The following ABCG1 variants were observed in gnomAD, a reference collection of about 807,000 sequenced individuals.
ABCG1 encodes the protein ATP binding cassette subfamily G member 1.
Under a neutral mutation model 69.2 loss-of-function variants are expected in ABCG1, and 29 were observed. The ratio of observed to expected loss-of-function variants is 0.42; its 90% confidence interval spans 0.31 to 0.57. ABCG1 has a LOEUF of 0.57. Among genes scored for constraint, ABCG1 ranks in the 20% least tolerant of loss-of-function variants. The probability of loss-of-function intolerance (pLI) is 0.15; values close to 1 mark genes in which losing one functional copy is unlikely to be tolerated. For missense variants in ABCG1, 718 were observed against 898.1 expected, an observed-to-expected ratio of 0.80 and a Z score of 2.56; for synonymous variants, 370 against 374.8, an observed-to-expected ratio of 0.99 and a Z score of 0.15.
At chr21:42,263,607 G>T (rs2068450083) in intron 2 of ABCG1, among the ~76,000 whole-genome samples, 1 of 152,232 alleles carries the variant, frequency 6.6e-6, no homozygotes. Context: ...AACACAACAG[G>T]CACATTTCCA....
intron 13 of ABCG1, among the ~76,000 whole-genome samples, chr21:42,292,529 A>G (rs2069083414): frequency 1.3e-5 from 2 of 151,980 alleles, no homozygotes. Context: ...TAATCAGACC[A>G]GGGCTGGGAT....
At chr21:42,211,185 C>A (rs1445701605), upstream of ABCG1, among the ~76,000 whole-genome samples, 1 of 152,146 alleles carries the variant, frequency 6.6e-6, no homozygotes, top group Non-Finnish European at 1.5e-5. Context: ...GTCTCAATCT[C>A]TTGACCTCCT....
intron 2 of ABCG1, chr21:42,260,193 G>A (rs1254103907): frequency 3.2e-6 from 5 of 1,549,542 alleles, no homozygotes; most frequent in Non-Finnish European, 4.4e-6. Flanking sequence ...GGCCCTAAAG[G>A]CATTCAGAGT....
chr21:42,201,042 AAGCCC>A (rs370834464), intron 1 of ABCG1, among the ~76,000 whole-genome samples: 50 of 152,040 alleles, frequency 3.3e-4, no homozygotes, highest in African/African-American at 1.2e-3. Context: ...CCTAGGTGTT[AAGCCC>A]AGCATATTGT....
intron 11 of ABCG1, 59 bp downstream of exon 11, chr21:42,290,277 G>T: frequency 1.9e-6 from 3 of 1,563,200 alleles, no homozygotes; most frequent in Non-Finnish European, 2.6e-6. Flanking sequence ...CAAGCATGGG[G>T]GCCTGAAGTC....
intron 2 of ABCG1, chr21:42,260,063 TG>T: frequency 6.4e-7 from 1 of 1,550,506 alleles, no homozygotes; most frequent in Non-Finnish European, 8.7e-7. Flanking sequence ...TCGCTATCAG[TG>T]GCAAAGTCTT....
chr21:42,213,895 G>A (rs1002761026), upstream of ABCG1, among the ~76,000 whole-genome samples: 10 of 152,220 alleles, frequency 6.6e-5, no homozygotes, highest in Non-Finnish European at 1.3e-4. Context: ...CACCGCTGAA[G>A]GAATTTGCCC....
intron 3 of ABCG1, among the ~76,000 whole-genome samples, chr21:42,272,972 C>A (rs978268653): frequency 2.0e-5 from 3 of 152,226 alleles, no homozygotes; most frequent in Non-Finnish European, 4.4e-5. Context: ...CCTGACCTCG[C>A]GGCTGCTTAT....
chr21:42,206,504 C>T (rs1199731276), intron 2 of ABCG1, among the ~76,000 whole-genome samples: 1 of 152,150 alleles, frequency 6.6e-6, no homozygotes. Flanking sequence ...CTTGAATGTG[C>T]ATTCTTCTGT....
chr21:42,294,158 C>T (rs1245546622), intron 13 of ABCG1, among the ~76,000 whole-genome samples: 1 of 152,160 alleles, frequency 6.6e-6, no homozygotes, highest in Non-Finnish European at 1.5e-5. Context: ...CACTGTGCCC[C>T]GACCGAAGGG....
At chr21:42,282,061 C>T (rs900337602) in intron 5 of ABCG1, among the ~76,000 whole-genome samples, 3 of 152,252 alleles carry the variant, frequency 2.0e-5, no homozygotes, top group Admixed American at 6.5e-5. Context: ...TGGGCAGTCT[C>T]TGTCCCTCAT....
At chr21:42,210,490 G>A (rs1271537549) in intron 2 of ABCG1, among the ~76,000 whole-genome samples, 1 of 152,046 alleles carries the variant, frequency 6.6e-6, no homozygotes, top group Non-Finnish European at 1.5e-5. Flanking sequence ...GGTCATCTTG[G>A]GGCCAGATGT....
At chr21:42,235,200 CCGGG>C (rs1433029760) in intron 2 of ABCG1, among the ~76,000 whole-genome samples, 1 of 152,160 alleles carries the variant, frequency 6.6e-6, no homozygotes, top group Non-Finnish European at 1.5e-5. Flanking sequence ...GTGTTGCCAC[CCGGG>C]GCGGCCTGCG....
At chr21:42,268,389 G>GTGTGTA (rs1555957894) in intron 2 of ABCG1, among the ~76,000 whole-genome samples, 2 of 76,712 alleles carry the variant, frequency 2.6e-5, no homozygotes, top group Non-Finnish European at 6.2e-5. Context: ...GTGTGTGTGT[G>GTGTGTA]CGCGCGCGCG....
intron 2 of ABCG1, chr21:42,256,182 C>A (rs1024964162): frequency 1.4e-6 from 2 of 1,420,530 alleles, no homozygotes; most frequent in Non-Finnish European, 1.8e-6. Flanking sequence ...AGGGCTGCTG[C>A]GATCATTTAG....
intron 2 of ABCG1, among the ~76,000 whole-genome samples, chr21:42,267,909 T>G (rs2068542913): frequency 6.6e-6 from 1 of 151,698 alleles, no homozygotes; most frequent in South Asian, 2.1e-4. Flanking sequence ...TCTGTCTGGG[T>G]GTGGTCTGGG....
intron 2 of ABCG1, among the ~76,000 whole-genome samples, chr21:42,238,672 T>C (rs2068009588): frequency 6.6e-6 from 1 of 152,214 alleles, no homozygotes; most frequent in Non-Finnish European, 1.5e-5. Flanking sequence ...CAAGCAACAT[T>C]ACACTTCAGA....
upstream of ABCG1, among the ~76,000 whole-genome samples, chr21:42,216,402 T>TAG (rs2067641014): frequency 6.6e-6 from 1 of 152,154 alleles, no homozygotes; most frequent in Non-Finnish European, 1.5e-5. Flanking sequence ...GGGTTCTACT[T>TAG]AGAATGCCTC....
Position 42,284,255 on chromosome 21 carries a change from T to C in ABCG1, c.735-305T>C, listed in dbSNP as rs529292555. Among the ~76,000 whole-genome samples, 9 of 147,054 alleles carry C rather than the reference T, an allele frequency of 6.1e-5. 1 individual carries two copies. The highest frequency in any genetic ancestry group is 4.1e-4 in the East Asian group (2 of 4,928). On this transcript the variant is annotated intron_variant, in intron 6 of 14. Coordinates refer to ENST00000398449, the MANE Select transcript of ABCG1 (RefSeq NM_016818.3). ...CACCTCTGTCCCGCCTGGATAGTTG[T>C]GAAGTCCCTCCCTGCCCAGATGAGT... is the stretch of plus-strand genomic sequence containing the variant.
Sources: allele counts gnomAD v4.1 joint callset (sites outside exome capture counted in the v4.1 genomes callset), GRCh38; gene constraint gnomAD v4.1.1; transcripts MANE v1.5; gene names NCBI Gene and HGNC (gene_info 2026-07-23, HGNC 2026-07-21).